METTL14: variants seen among roughly 807,000 people sequenced by gnomAD.
METTL14 encodes the protein methyltransferase 14, N6-adenosine-methyltransferase non-catalytic subunit.
In METTL14, 32 loss-of-function variants were observed where a neutral mutation model predicts 62.4. The observed-to-expected ratio is 0.51, with a 90% CI of 0.39 to 0.69. The LOEUF (loss-of-function observed/expected upper bound fraction) is 0.69, where lower values mean the gene tolerates loss of function less well. Among genes scored for constraint, METTL14 ranks in the 30% least tolerant of loss-of-function variants. The pLI, the probability that METTL14 is intolerant of heterozygous loss-of-function variation, is 0.00. For missense variants in METTL14, 340 were observed against 551.9 expected, an observed-to-expected ratio of 0.62 and a Z score of 3.85; for synonymous variants, 150 against 180.0, an observed-to-expected ratio of 0.83 and a Z score of 1.34.
In METTL14 at chr4:118,692,082, G is replaced by T. The variant is rs910796599; in HGVS notation, c.412+14G>T. On this transcript the variant is annotated intron_variant, in intron 5 of 10. Coordinates refer to ENST00000388822, the MANE Select transcript of METTL14 (RefSeq NM_020961.4). ...TCAGGGATGTAGGTATGTCAGGTTT[G>T]TTTGGACTACGCTATTGCTGACTCT... 1 of 1,517,562 alleles carries T rather than the reference G, an allele frequency of 6.6e-7. No homozygotes were observed. The highest frequency in any genetic ancestry group is 9.1e-7 in the Non-Finnish European group (1 of 1,100,072). 94.0% of individuals were successfully genotyped at this position (1,517,562 alleles called of 1,614,324 possible).
At chr4:118,693,144 G>A (rs950934931) in intron 5 of METTL14, among the ~76,000 whole-genome samples, 2 of 152,040 alleles carry the variant, frequency 1.3e-5, no homozygotes, top group African/African-American at 4.8e-5. Context: ...TCACATCTTT[G>A]GCACTTACTA....
At chr4:118,685,645 G>C in intron 1 of METTL14, 45 bp downstream of exon 1, 1 of 1,558,256 alleles carries the variant, frequency 6.4e-7, no homozygotes, top group Non-Finnish European at 8.8e-7. Context: ...GAGAATGCGA[G>C]TGCGCGGCCG....
Position 118,700,616 on chromosome 4 carries a change from G to C in METTL14, c.712G>C (p.Gly238Arg). 1 of 1,612,362 alleles carries C rather than the reference G, an allele frequency of 6.2e-7. No individual in the cohort carries two copies. The highest frequency in any genetic ancestry group is 8.5e-7 in the Non-Finnish European group (1 of 1,178,890). ...RSFIFLWCGSGEGLDLGRVCL... is the reference protein window; with the variant it reads ...RSFIFLWCGSREGLDLGRVCL... ...ATTTATTTTTCTCTGGTGTGGTTCT[G>C]GGGAGGGGTTGGACCTTGGAAGAGT... Residue 238 changes from glycine (G) to arginine (R), a missense_variant, in exon 8 of 11, where the codon GGG (glycine) becomes CGG (arginine). Around this residue, in one of 7 missense-constraint regions of METTL14, gnomAD observed 58 missense variants for 147.5 expected, o/e 0.39. Coordinates refer to ENST00000388822, the MANE Select transcript of METTL14 (RefSeq NM_020961.4).
intron 3 of METTL14, among the ~76,000 whole-genome samples, chr4:118,691,027 T>C (rs1439583598): frequency 2.0e-5 from 3 of 152,178 alleles, no homozygotes; most frequent in Non-Finnish European, 4.4e-5. Context: ...TCTAGAAAGT[T>C]CAGTGAAATA....
intron 3 of METTL14, among the ~76,000 whole-genome samples, chr4:118,690,089 G>T (rs1724200187): frequency 7.5e-6 from 1 of 133,070 alleles, no homozygotes; most frequent in East Asian, 2.2e-4. Flanking sequence ...CGCCCAGGCT[G>T]GAGTGCAGTG....
intron 3 of METTL14, among the ~76,000 whole-genome samples, chr4:118,689,828 CAG>C (rs1286418226): frequency 1.3e-5 from 2 of 151,464 alleles, no homozygotes; most frequent in East Asian, 3.9e-4. Context: ...TTAGTAGAGA[CAG>C]GGTTTCACCA....
chr4:118,704,071 G>T lies in METTL14; in HGVS notation c.855+20G>T, dbSNP rs549334816. The stretch of plus-strand genomic sequence containing the variant: ...ACAAAGGTATTGCCTTTACTGATTT[G>T]TTTTTTTTAATTTTTGTGATTTTCT... On this transcript the variant is annotated intron_variant, in intron 9 of 10. Transcript: ENST00000388822. The T allele has an allele frequency of 2.1e-6, 3 of 1,427,238 alleles. No homozygotes were observed. Among genetic ancestry groups the T allele is most frequent in the Admixed American group, 2.2e-5 (1 of 46,024 alleles). The allele number at this position is 1,427,238 out of a possible 1,614,324, so 88.4% of individuals were successfully genotyped here.
chr4:118,710,021 C>T lies in METTL14; in HGVS notation c.1090C>T (p.Leu364Phe), dbSNP rs968241507. The T allele has an allele frequency of 6.2e-7, 1 of 1,611,830 alleles. No homozygotes were observed. The highest frequency in any genetic ancestry group is 1.7e-5 in the Admixed American group (1 of 59,760). ...RPGWLTVGPTLTNSNYNAETY... is the reference protein window; with the variant it reads ...RPGWLTVGPTFTNSNYNAETY... ...AGGCTGGCTCACAGTTGGACCAACG[C>T]TTACAAATAGCAACTACAATGCAGA... Residue 364 changes from leucine to phenylalanine, a missense_variant, in exon 11 of 11, where the codon CTT becomes TTT. Leu to Phe is a conservative substitution (Grantham distance 22, BLOSUM62 0). Around this residue, in one of 7 missense-constraint regions of METTL14, gnomAD observed 62 missense variants for 82.3 expected, o/e 0.75. Transcript: ENST00000388822.
intron 10 of METTL14, among the ~76,000 whole-genome samples, chr4:118,707,654 A>G (rs1579077417): frequency 8.6e-6 from 1 of 116,248 alleles, no homozygotes; most frequent in Non-Finnish European, 1.7e-5. Context: ...ACAGAATAAG[A>G]CCCTGTCTCA....
chr4:118,692,926 A>G (rs1354907095), intron 5 of METTL14, among the ~76,000 whole-genome samples: 3 of 152,248 alleles, frequency 2.0e-5, no homozygotes, highest in East Asian at 3.9e-4. Flanking sequence ...AAATTATACA[A>G]TGTGTGGTGG....
intron 6 of METTL14, among the ~76,000 whole-genome samples, chr4:118,694,752 G>T (rs1449966085): frequency 6.6e-6 from 1 of 151,952 alleles, no homozygotes; most frequent in African/African-American, 2.4e-5. Context: ...ACCTCACCTG[G>T]ACTACAGGCA....
At chr4:118,692,190 C>A in intron 5 of METTL14, 122 bp downstream of exon 5, 2 of 646,970 alleles carry the variant, frequency 3.1e-6, no homozygotes, top group South Asian at 2.0e-5. Context: ...TTTTCGTTCT[C>A]AGTGCTTCTG....
chr4:118,692,304 C>T (rs532119706), intron 5 of METTL14, among the ~76,000 whole-genome samples: 81 of 149,950 alleles, frequency 5.4e-4, no homozygotes, highest in African/African-American at 2.0e-3. Context: ...TCTTGGCTCA[C>T]TACAACCTCT....
chr4:118,695,376 C>G (rs1380492821), intron 6 of METTL14, among the ~76,000 whole-genome samples: 1 of 151,718 alleles, frequency 6.6e-6, no homozygotes, highest in African/African-American at 2.4e-5. Flanking sequence ...TGCTGAAACC[C>G]TGTCTCTACT....
rs1455341763 is a variant in METTL14, at chr4:118,697,321, G to A, written c.643G>A (p.Asp215Asn). ...TAATGAAAAATGCTGGACTTGGGAT[G>A]ATGTATGATCAAACTTTCTACATTG... Reference protein sequence around the residue: ...TANEKCWTWDDIMKLEIDEIA... With the variant: ...TANEKCWTWDNIMKLEIDEIA... Residue 215 changes from aspartate (D) to asparagine (N), a missense_variant and splice_region_variant, in exon 7 of 11, where the codon GAT becomes AAT. Around this residue, in one of 7 missense-constraint regions of METTL14, gnomAD observed 58 missense variants for 147.5 expected, o/e 0.39. Coordinates refer to ENST00000388822, the MANE Select transcript of METTL14 (RefSeq NM_020961.4). 1 of 1,596,452 alleles carries A rather than the reference G, an allele frequency of 6.3e-7. No individual in the cohort carries two copies. The highest frequency in any genetic ancestry group is 8.5e-7 in the Non-Finnish European group (1 of 1,174,810).
intron 7 of METTL14, 144 bp from the exon 8 acceptor site, chr4:118,700,406 C>G: frequency 1.7e-6 from 1 of 590,676 alleles, no homozygotes; most frequent in Non-Finnish European, 2.9e-6. Context: ...TTAAGGATAA[C>G]ATTTATTTTC....
chr4:118,690,677 CAAAAAAAAA>C (rs1046821905), intron 3 of METTL14, among the ~76,000 whole-genome samples: 6 of 74,958 alleles, frequency 8.0e-5, no homozygotes, highest in African/African-American at 3.0e-4. Flanking sequence ...GACTCTGTCT[CAAAAAAAAA>C]AAAAAAAAAC....
intron 3 of METTL14, among the ~76,000 whole-genome samples, chr4:118,690,107 C>G (rs1724200618): frequency 8.1e-6 from 1 of 123,134 alleles, no homozygotes; most frequent in Admixed American, 1.1e-4. Flanking sequence ...GTGGTGTGAT[C>G]TCAGCTCAGT....
chr4:118,710,515 T>C lies in METTL14; in HGVS notation c.*213T>C, dbSNP rs1177391142. Reference sequence around the variant, plus strand: ...AAATGAATGATTCTGCCTTTTGTTATGTGCGTGAACAGAATGGAACAACTC... The same window carrying C: ...AAATGAATGATTCTGCCTTTTGTTACGTGCGTGAACAGAATGGAACAACTC... On this transcript the variant is annotated 3_prime_UTR_variant, in exon 11 of 11. Transcript: ENST00000388822. 2 of 538,476 alleles carry C rather than the reference T, an allele frequency of 3.7e-6. No homozygotes were observed. Among genetic ancestry groups the C allele is most frequent in the Non-Finnish European group, 6.6e-6 (2 of 304,764 alleles). The allele number at this position is 538,476 out of a possible 1,614,324, so 33.4% of individuals were successfully genotyped here.
Sources: allele counts gnomAD v4.1 joint callset (sites outside exome capture counted in the v4.1 genomes callset), GRCh38; gene constraint gnomAD v4.1.1; regional missense constraint gnomAD v4.1.1; transcripts MANE v1.5; gene names NCBI Gene and HGNC (gene_info 2026-07-23, HGNC 2026-07-21).